Variants in MICU3 observed in about 807,000 individuals in gnomAD.
The protein encoded by MICU3 is mitochondrial calcium uptake 3.
A neutral mutation model predicts 66.5 loss-of-function variants in MICU3; 62 were observed. The ratio of observed to expected loss-of-function variants is 0.93; its 90% confidence interval spans 0.76 to 1.15. The LOEUF (loss-of-function observed/expected upper bound fraction) is 1.15. Ranked by LOEUF, MICU3 falls within the 50% of genes most tolerant of loss-of-function variation. MICU3 has a pLI of 0.00. For missense variants in MICU3, 779 were observed against 664.4 expected (o/e 1.17, Z -1.90); for synonymous variants, 308 against 240.7 (o/e 1.28, Z -2.59).
intron 1 of MICU3, among the ~76,000 whole-genome samples, chr8:17,031,555 G>A (rs1563260726): frequency 6.6e-6 from 1 of 151,706 alleles, no homozygotes; most frequent in Non-Finnish European, 1.5e-5. Flanking sequence ...CAAAGTGCTG[G>A]GAATACAGTC....
chr8:17,029,711 A>G (rs1811691061), intron 1 of MICU3, among the ~76,000 whole-genome samples: 1 of 152,028 alleles, frequency 6.6e-6, no homozygotes. Flanking sequence ...TTTTCACAGT[A>G]ATGAGCTTCG....
chr8:17,047,017 C>T (rs1585214770), intron 1 of MICU3, among the ~76,000 whole-genome samples: 1 of 152,192 alleles, frequency 6.6e-6, no homozygotes, highest in East Asian at 1.9e-4. Flanking sequence ...AGAATGAGCT[C>T]GTAATCCAAA....
At chr8:17,027,800 G>T in intron 1 of MICU3, 140 bp downstream of exon 1, 4 of 1,097,632 alleles carry the variant, frequency 3.6e-6, no homozygotes, top group Non-Finnish European at 4.6e-6. Context: ...CTGACACCTA[G>T]GCCGGACAGC....
At chr8:17,033,062 C>T (rs1812366239) in intron 1 of MICU3, among the ~76,000 whole-genome samples, 1 of 152,136 alleles carries the variant, frequency 6.6e-6, no homozygotes, top group Non-Finnish European at 1.5e-5. Context: ...CCTCCCTGTT[C>T]CCTCAGTCAC....
chr8:17,028,069 C>T (rs1005193084), intron 1 of MICU3, among the ~76,000 whole-genome samples: 1 of 152,084 alleles, frequency 6.6e-6, no homozygotes, highest in African/African-American at 2.4e-5. Context: ...GAATGAGTTT[C>T]GAAGCAGCGG....
rs2150849356 is a variant in MICU3, at chr8:17,122,238, A to T, written c.*1951A>T. On this transcript the variant is annotated 3_prime_UTR_variant, in exon 15 of 15. Coordinates refer to ENST00000318063, the MANE Select transcript of MICU3 (RefSeq NM_181723.3). ...TAAATAAATGTTCTGATAAAATAGA[A>T]AAGAAAGTAAATTACAGTGATTTCC... is the stretch of plus-strand genomic sequence containing the variant. 6.6e-6 allele frequency: 1 copy of T among 151,992 alleles called. No homozygotes were observed. Among genetic ancestry groups the T allele is most frequent in the South Asian group, 2.1e-4 (1 of 4,826 alleles). 9.4% of individuals were successfully genotyped at this position (151,992 alleles called of 1,614,324 possible).
chr8:17,101,974 C>T (rs1336845676), intron 9 of MICU3, among the ~76,000 whole-genome samples: 3 of 151,878 alleles, frequency 2.0e-5, no homozygotes, highest in Non-Finnish European at 4.4e-5. Flanking sequence ...CTTACCACAA[C>T]CCTTTGGGAT....
At chr8:17,048,032 A>T (rs1191169905) in intron 1 of MICU3, among the ~76,000 whole-genome samples, 1 of 152,218 alleles carries the variant, frequency 6.6e-6, no homozygotes. Context: ...AAAGTGTTTC[A>T]TGGGGGAAAC....
chr8:17,029,642 G>A (rs1454402773), intron 1 of MICU3, among the ~76,000 whole-genome samples: 2 of 152,080 alleles, frequency 1.3e-5, no homozygotes, highest in African/African-American at 2.4e-5. Context: ...TGATTGTCAT[G>A]CCTTTTGTAT....
intron 11 of MICU3, 93 bp from the exon 12 acceptor site, chr8:17,114,000 A>C: frequency 1.4e-6 from 1 of 721,014 alleles, no homozygotes; most frequent in Non-Finnish European, 2.3e-6. Context: ...ATACATTGCA[A>C]ATGCTTAATC....
chr8:17,060,108 TAGAA>T (rs1295829133), intron 1 of MICU3, among the ~76,000 whole-genome samples: 1 of 152,164 alleles, frequency 6.6e-6, no homozygotes, highest in African/African-American at 2.4e-5. Context: ...GGTATTTGAG[TAGAA>T]AGAGACAAAT....
At chr8:17,043,387 C>A (rs565408946) in intron 1 of MICU3, among the ~76,000 whole-genome samples, 1 of 152,262 alleles carries the variant, frequency 6.6e-6, no homozygotes, top group African/African-American at 2.4e-5. Flanking sequence ...ATTATTCTTA[C>A]TAATCTGACA....
intron 5 of MICU3, among the ~76,000 whole-genome samples, chr8:17,083,385 A>T (rs759296154): frequency 2.0e-5 from 3 of 152,228 alleles, no homozygotes; most frequent in Non-Finnish European, 4.4e-5. Context: ...ATAATTTCTA[A>T]TCTTGTGGCT....
rs137974424 is a variant in MICU3 at position 17,107,798 on chromosome 8, T to G, written c.1257+2214T>G. ...AGGCATGATGCTCATTCAGCAAATA[T>G]TCAACAAGTATTGACAATCAACTGT... On this transcript the variant is annotated intron_variant, in intron 11 of 14. Coordinates refer to ENST00000318063, the MANE Select transcript of MICU3 (RefSeq NM_181723.3). Among the ~76,000 whole-genome samples the G allele has an allele frequency of 1.5e-3, 234 of 152,336 alleles. 4 individuals carry two copies. The highest frequency in any genetic ancestry group is 5.4e-3 in the African/African-American group (225 of 41,574).
chr8:17,038,298 T>A (rs1813404595), intron 1 of MICU3, among the ~76,000 whole-genome samples: 1 of 151,868 alleles, frequency 6.6e-6, no homozygotes, highest in East Asian at 1.9e-4. Context: ...TGGGGGTGGG[T>A]TTTTCCCATG....
In MICU3 at chr8:17,121,802, A is replaced by G. The variant is rs1052496109; in HGVS notation, c.*1515A>G. The G allele has an allele frequency of 6.6e-6, 1 of 152,002 alleles. No homozygotes were observed. 9.4% of individuals were successfully genotyped at this position (152,002 alleles called of 1,614,324 possible). A position where few individuals can be genotyped will look rare whatever the true frequency, so the allele number is the denominator to read the frequency against. The stretch of plus-strand genomic sequence containing the variant: ...ATTTATGACAGTAATTTTAAAATAT[A>G]TTATTCATAAGTTCAAGGATCCCAT... On this transcript the variant is annotated 3_prime_UTR_variant, in exon 15 of 15. Coordinates refer to ENST00000318063, the MANE Select transcript of MICU3 (RefSeq NM_181723.3).
intron 1 of MICU3, among the ~76,000 whole-genome samples, chr8:17,055,745 C>G (rs1390477772): frequency 6.6e-6 from 1 of 152,178 alleles, no homozygotes; most frequent in Non-Finnish European, 1.5e-5. Flanking sequence ...ACTCCCAGCC[C>G]CTGTCCTAGT....
intron 1 of MICU3, among the ~76,000 whole-genome samples, chr8:17,050,469 T>C (rs1054944302): frequency 6.6e-6 from 1 of 152,118 alleles, no homozygotes; most frequent in African/African-American, 2.4e-5. Flanking sequence ...TTTGTGAAGA[T>C]TGATAAATGG....
At chr8:17,091,688 A>C (rs1342797551) in intron 8 of MICU3, among the ~76,000 whole-genome samples, 1 of 152,060 alleles carries the variant, frequency 6.6e-6, no homozygotes, top group Non-Finnish European at 1.5e-5. Flanking sequence ...GTTTACTTAC[A>C]AGATACTTTA....
Sources: gnomAD v4.1 joint callset for allele counts (sites outside exome capture counted in the v4.1 genomes callset) on GRCh38, gnomAD v4.1.1 for gene constraint, MANE v1.5 for transcripts, NCBI Gene and HGNC (gene_info 2026-07-23, HGNC 2026-07-21) for gene names.